Variants in SYNE1 observed in about 807,000 individuals in gnomAD.
The protein encoded by SYNE1 is nesprin-1.
In SYNE1, 616 loss-of-function variants were observed where a neutral mutation model predicts 1,111.0. The observed-to-expected ratio is 0.55, with a 90% CI of 0.52 to 0.59. The LOEUF (loss-of-function observed/expected upper bound fraction) is 0.59. Ranked by LOEUF, SYNE1 falls within the 20% of genes least tolerant of loss-of-function variation. The probability of loss-of-function intolerance (pLI) is 0.00; values close to 1 mark genes in which losing one functional copy is unlikely to be tolerated. For synonymous variants in SYNE1, 3,855 were observed against 3,825.8 expected, an observed-to-expected ratio of 1.01 and a Z score of -0.28; for missense variants, 10,006 against 10,417.0, an observed-to-expected ratio of 0.96 and a Z score of 1.72.
chr6:152,577,668 GA>G (rs1381323591), intron 3 of SYNE1, among the ~76,000 whole-genome samples: 1 of 151,986 alleles, frequency 6.6e-6, no homozygotes, highest in African/African-American at 2.4e-5. Context: ...CTCTAACTAT[GA>G]AAATGCTTCT....
chr6:152,425,486 T>C lies in SYNE1; in HGVS notation c.5162A>G (p.Glu1721Gly). The C allele has an allele frequency of 6.2e-7, 1 of 1,614,196 alleles. No individual in the cohort carries two copies. The highest frequency in any genetic ancestry group is 8.5e-7 in the Non-Finnish European group (1 of 1,180,034). ...TTTGGAGGCTACTGAGAACAATGAT[T>C]CCTTCAATTGCAAAAGTTTGCTATA... ...SFYSKLLQLK[E>G]SLFSVASKDD... is the part of the protein sequence containing the mutation. Residue 1721 changes from glutamate (E) to glycine (G), a missense_variant, in exon 39 of 146, where the codon GAA becomes GGA. By Grantham distance (98) the Glu-to-Gly change is moderately conservative. Coordinates refer to ENST00000367255, the MANE Select transcript of SYNE1 (RefSeq NM_182961.4).
Position 152,451,076 on chromosome 6 carries a change from C to T in SYNE1, c.3157G>A (p.Gly1053Ser), listed in dbSNP as rs1178460330. Residue 1053 changes from glycine (G) to serine (S), a missense_variant, in exon 26 of 146, where the codon GGC becomes AGC. Physicochemically the swap from Gly to Ser is moderately conservative, Grantham distance 56. Transcript: ENST00000367255. ...TGCTCTTTAATTATCTTTTCACTGC[C>T]TTCCTGGGGCATCAGCTTGGTCTCT... ...DRETKLMPQE[G>S]SEKIIKEHRV... 1.2e-6 allele frequency: 2 copies of T among 1,614,136 alleles called. No individual in the cohort carries two copies. Among genetic ancestry groups the T allele is most frequent in the South Asian group, 2.2e-5 (2 of 91,082 alleles).
rs1228158894 is a variant in SYNE1, at chr6:152,324,690, A to G, written c.15657+394T>C. ...GCGCCTGTAGTCCCAGCTACTCGCTACTCGGGAGGCTGAGGCAGGAGAATG... is the reference window on the plus strand; with the variant it reads ...GCGCCTGTAGTCCCAGCTACTCGCTGCTCGGGAGGCTGAGGCAGGAGAATG... On this transcript the variant is annotated intron_variant, in intron 81 of 145. Transcript: ENST00000367255. 5.3e-5 allele frequency among the ~76,000 whole-genome samples: 8 copies of G among 152,072 alleles called. 1 individual carries two copies. The highest frequency in any genetic ancestry group is 3.9e-4 in the East Asian group (2 of 5,118).
Position 152,318,121 on chromosome 6 carries a change from G to A in SYNE1, c.16532C>T (p.Thr5511Ile). The part of the protein sequence containing the change: ...IGKLTELHQQ[T>I]IRQAENRLSK... Reference sequence around the variant, plus strand: ...GAGCCGATTCTCAGCTTGTCTAATGGTCTGCTGGTGAAGTTCAGTCAGTTT... The same window carrying A: ...GAGCCGATTCTCAGCTTGTCTAATGATCTGCTGGTGAAGTTCAGTCAGTTT... Residue 5511 changes from threonine (T) to isoleucine (I), a missense_variant, in exon 86 of 146, where the codon ACC (threonine) becomes ATC (isoleucine). By Grantham distance (89) the Thr-to-Ile change is moderately conservative. Around this residue, in one of 7 missense-constraint regions of SYNE1, gnomAD observed 4,955 missense variants for 5,017.2 expected, o/e 0.99. Transcript: ENST00000367255. 6.2e-7 allele frequency: 1 copy of A among 1,614,156 alleles called. No individual in the cohort carries two copies. Among genetic ancestry groups the A allele is most frequent in the Non-Finnish European group, 8.5e-7 (1 of 1,180,034 alleles).
At chr6:152,529,005 A>G (rs2099181371) in intron 4 of SYNE1, among the ~76,000 whole-genome samples, 1 of 152,222 alleles carries the variant, frequency 6.6e-6, no homozygotes, top group Admixed American at 6.5e-5. Flanking sequence ...TGAGATTCAG[A>G]TTCCTTGCTT....
intron 17 of SYNE1, 93 bp from the exon 18 acceptor site, chr6:152,465,553 T>C (rs1289807069): frequency 2.6e-6 from 3 of 1,140,560 alleles, no homozygotes; most frequent in Non-Finnish European, 3.8e-6. Flanking sequence ...TGTGCAATAG[T>C]ATCCATCACA....
intron 26 of SYNE1, 88 bp downstream of exon 26, chr6:152,450,959 T>G: frequency 6.2e-7 from 1 of 1,604,454 alleles, no homozygotes; most frequent in Non-Finnish European, 8.5e-7. Flanking sequence ...GCTATTATTT[T>G]TCAGACTCAA....
intron 86 of SYNE1, among the ~76,000 whole-genome samples, chr6:152,317,862 C>T (rs1012687294): frequency 6.6e-6 from 1 of 152,156 alleles, no homozygotes; most frequent in Non-Finnish European, 1.5e-5. Context: ...GTAGGACCAC[C>T]TTTGTCAGTG....
Position 152,330,897 on chromosome 6 carries a change from A to G in SYNE1, c.13788T>C (p.Ser4596=). The G allele has an allele frequency of 6.2e-7, 1 of 1,614,122 alleles. No individual in the cohort carries two copies. The highest frequency in any genetic ancestry group is 8.5e-7 in the Non-Finnish European group (1 of 1,179,938). ...ATTTAGCCAGTTGTGTATGAAGCTC[A>G]GAACTCTCATTCATTAGGTTGATTT... ...FPEINLMNES[S]ELHTQLAKYQ... The change falls in exon 78 of 146, where the codon TCT becomes TCC. Residue 4596 remains serine (S), a synonymous_variant. Transcript: ENST00000367255.
chr6:152,313,402 C>T lies in SYNE1; in HGVS notation c.16711-2529G>A, dbSNP rs1398220157. Reference sequence around the variant, plus strand: ...ATTTACCCAGCCCCTATTCAGGCCCCTACGAAGTCACTCTGGTTCTCACAT... The same window carrying T: ...ATTTACCCAGCCCCTATTCAGGCCCTTACGAAGTCACTCTGGTTCTCACAT... On this transcript the variant is annotated intron_variant, in intron 87 of 145. Transcript: ENST00000367255. Among the ~76,000 whole-genome samples the T allele has an allele frequency of 2.0e-5, 3 of 151,992 alleles. No individual in the cohort carries two copies. The East Asian group carries it at 5.8e-4, about 29-fold the overall frequency.
intron 87 of SYNE1, among the ~76,000 whole-genome samples, chr6:152,312,396 A>G (rs2095582497): frequency 6.6e-6 from 1 of 150,602 alleles, no homozygotes; most frequent in Non-Finnish European, 1.5e-5. Context: ...TTTAGTAGAG[A>G]CGGGGTTTCT....
At chr6:152,132,336 A>G (rs2055968987) in intron 143 of SYNE1, 122 bp from the exon 144 acceptor site, 5 of 873,860 alleles carry the variant, frequency 5.7e-6, no homozygotes. Context: ...TAAAAATCAA[A>G]CCATTCCTTG....
chr6:152,271,444 G>A (rs1191757612), intron 98 of SYNE1, among the ~76,000 whole-genome samples: 2 of 152,180 alleles, frequency 1.3e-5, no homozygotes, highest in Non-Finnish European at 1.5e-5. Flanking sequence ...AGTTTAGGTA[G>A]AACAACGGGG....
At chr6:152,491,371 A>G (rs2098969378) in intron 11 of SYNE1, among the ~76,000 whole-genome samples, 1 of 152,068 alleles carries the variant, frequency 6.6e-6, no homozygotes, top group African/African-American at 2.4e-5. Context: ...ATTACAGCCC[A>G]GGGCTGCTCA....
At chr6:152,621,679 G>A (rs2099675803) in intron 3 of SYNE1, among the ~76,000 whole-genome samples, 1 of 151,878 alleles carries the variant, frequency 6.6e-6, no homozygotes. Flanking sequence ...CTTTCTCCAT[G>A]AAGCGCGATG....
chr6:152,404,162 G>A lies in SYNE1; in HGVS notation c.6825+51C>T, dbSNP rs374363831. On this transcript the variant is annotated intron_variant, in intron 46 of 145. Transcript: ENST00000367255. ...AGAGACAGAGAAAGTCTAGTATATG[G>A]TAGTAATTACAAAATGGATGGAAGT... 3.3e-6 allele frequency: 4 copies of A among 1,222,668 alleles called. No homozygotes were observed. In the South Asian group the frequency reaches 3.6e-5, roughly 11 times the overall value. 75.7% of individuals were successfully genotyped at this position (1,222,668 alleles called of 1,614,324 possible).
At chr6:152,433,499 G>T in intron 34 of SYNE1, 1 of 411,962 alleles carries the variant, frequency 2.4e-6, no homozygotes, top group Non-Finnish European at 4.5e-6. Context: ...ATTCTATTGA[G>T]GTTAATTCAA....
At chr6:152,426,764 T>C (rs1002951938) in intron 38 of SYNE1, among the ~76,000 whole-genome samples, 5 of 152,056 alleles carry the variant, frequency 3.3e-5, no homozygotes, top group Non-Finnish European at 5.9e-5. Context: ...GGAAGATGAG[T>C]GCAGACACCA....
Position 152,176,519 on chromosome 6 carries a change from T to C in SYNE1, c.23502A>G (p.Ile7834Met). 6.2e-7 allele frequency: 1 copy of C among 1,614,152 alleles called. No individual in the cohort carries two copies. Among genetic ancestry groups the C allele is most frequent in the Non-Finnish European group, 8.5e-7 (1 of 1,179,996 alleles). ...GTCGTTCTCCCATTTGTTGGAGCTG[T>C]ATTTTGTTCTCTTGAGCAATAGCAA... is the stretch of plus-strand genomic sequence containing the variant. The part of the protein sequence containing the change: ...EEIAIAQENK[I>M]QLQQMGERLA... The change falls in exon 130 of 146, where the codon ATA (isoleucine) becomes ATG (methionine). Residue 7834 changes from isoleucine to methionine, a missense_variant. By Grantham distance (10) the Ile-to-Met change is conservative. Transcript: ENST00000367255.
Sources: allele counts gnomAD v4.1 joint callset (sites outside exome capture counted in the v4.1 genomes callset), GRCh38; gene constraint gnomAD v4.1.1; regional missense constraint gnomAD v4.1.1; transcripts MANE v1.5; gene names NCBI Gene and HGNC (gene_info 2026-07-23, HGNC 2026-07-21).